Variants in IL2RA observed in about 807,000 individuals in gnomAD.
The protein encoded by IL2RA is interleukin 2 receptor subunit alpha, also known as interleukin-2 receptor subunit alpha.
In IL2RA, 24 loss-of-function variants were observed where a neutral mutation model predicts 37.8. That is an observed-to-expected ratio of 0.63 (90% CI 0.46 to 0.89). The LOEUF (loss-of-function observed/expected upper bound fraction) is 0.89. Ranked by LOEUF, IL2RA falls within the 40% of genes least tolerant of loss-of-function variation. The pLI is 0.00. For synonymous variants in IL2RA, 125 were observed against 114.6 expected (o/e 1.09, Z -0.58); for missense variants, 319 against 348.6 (o/e 0.92, Z 0.68).
intron 1 of IL2RA, among the ~76,000 whole-genome samples, chr10:6,045,977 G>A (rs1361257008): frequency 6.6e-6 from 1 of 152,188 alleles, no homozygotes; most frequent in African/African-American, 2.4e-5. Context: ...GTTGGTGTCA[G>A]GTGAGGGCCG....
chr10:6,014,230 G>C lies in IL2RA; in HGVS notation c.795-1334C>G, dbSNP rs1409868112. On this transcript the variant is annotated intron_variant, in intron 7 of 7. Transcript: ENST00000379959. The surrounding 1 kb of genome is among the most constrained non-coding windows in gnomAD (Gnocchi z 4.4). ...CTGTGAGCCTTCTGTAGCACATCAC[G>C]GGCTCCTGGTCATTGCCCGAAACAA... Among the ~76,000 whole-genome samples, 2 of 152,092 alleles carry C rather than the reference G, an allele frequency of 1.3e-5. No individual in the cohort carries two copies. The highest frequency in any genetic ancestry group is 2.9e-5 in the Non-Finnish European group (2 of 68,002).
Position 6,021,487 on chromosome 10 carries a change from G to T in IL2RA, c.574C>A (p.Gln192Lys). 1 of 1,613,650 alleles carries T rather than the reference G, an allele frequency of 6.2e-7. No individual in the cohort carries two copies. The highest frequency in any genetic ancestry group is 8.5e-7 in the Non-Finnish European group (1 of 1,179,848). ...AAGGGAGCCACCCTACCTGGAAACT[G>T]ACTGGTCTCCATTTCACCTGTGCAT... ...LICTGEMETSQFPGEEKPQAS... is the reference protein window; with the variant it reads ...LICTGEMETSKFPGEEKPQAS... The change falls in exon 4 of 8, where the codon CAG becomes AAG. Residue 192 changes from glutamine (Q) to lysine (K), a missense_variant. Transcript: ENST00000379959. This position sits in a 1 kb window ranked among gnomAD's most constrained non-coding sequence, Gnocchi z 4.9.
intron 1 of IL2RA, among the ~76,000 whole-genome samples, chr10:6,026,250 A>G (rs1839481555): frequency 6.6e-6 from 1 of 152,240 alleles, no homozygotes; most frequent in Non-Finnish European, 1.5e-5. Flanking sequence ...TCCAAAGCAC[A>G]ATGTATTTCA....
chr10:6,060,686 G>A (rs1840109693), intron 1 of IL2RA, among the ~76,000 whole-genome samples: 1 of 152,140 alleles, frequency 6.6e-6, no homozygotes, highest in African/African-American at 2.4e-5. Context: ...GAGCCCATGA[G>A]GTGGAGGTTG....
At chr10:6,024,171 G>T in intron 3 of IL2RA, 73 bp downstream of exon 3, 2 of 972,972 alleles carry the variant, frequency 2.1e-6, no homozygotes, top group Non-Finnish European at 3.3e-6. Context: ...TTCTTCCTTT[G>T]GGTACACATC....
intron 1 of IL2RA, among the ~76,000 whole-genome samples, chr10:6,037,193 T>C (rs917883365): frequency 1.3e-5 from 2 of 152,168 alleles, no homozygotes; most frequent in African/African-American, 4.8e-5. Context: ...GGAAACGTCA[T>C]TGACTGGAGG....
chr10:6,044,201 G>A lies in IL2RA; in HGVS notation c.64+17887C>T, dbSNP rs755835513. Among the ~76,000 whole-genome samples, 1 of 152,250 alleles carries A rather than the reference G, an allele frequency of 6.6e-6. No individual in the cohort carries two copies. The highest frequency in any genetic ancestry group is 1.5e-5 in the Non-Finnish European group (1 of 68,048). ...TGATGCAGGACAAGCGAGCCCCGAG[G>A]TGGGGCTTAGCCCGCAAGGGTTCTT... On this transcript the variant is annotated intron_variant, in intron 1 of 7. Coordinates refer to ENST00000379959, the MANE Select transcript of IL2RA (RefSeq NM_000417.3). This position sits in a 1 kb window ranked among gnomAD's most constrained non-coding sequence, Gnocchi z 4.5.
intron 1 of IL2RA, among the ~76,000 whole-genome samples, chr10:6,037,729 C>T (rs1304343844): frequency 1.3e-5 from 2 of 152,168 alleles, no homozygotes; most frequent in African/African-American, 2.4e-5. Context: ...GTGGCCCCTT[C>T]TCATTTCAAA....
At chr10:6,042,148 C>CAAAAAAAAATAAAAAAAAAAAAAAAAAA (rs1839782027) in intron 1 of IL2RA, among the ~76,000 whole-genome samples, 1 of 54,132 alleles carries the variant, frequency 1.8e-5, no homozygotes, top group Non-Finnish European at 3.1e-5. Flanking sequence ...ATGTATTAAG[C>CAAAAAAAAATAAAAAAAAAAAAAAAAAA]AAAAAAAAAA....
At position 6,052,391 on chromosome 10, in the gene IL2RA, A is replaced by T. The variant is rs1323658; in HGVS notation, c.64+9697T>A. On this transcript the variant is annotated intron_variant, in intron 1 of 7. Coordinates refer to ENST00000379959, the MANE Select transcript of IL2RA (RefSeq NM_000417.3). The stretch of plus-strand genomic sequence containing the variant: ...GTCATAATTGTCTGTGCAGAGGTCA[A>T]GGATGGGCTCTTATTCATCTCTGTG... Among the ~76,000 whole-genome samples the T allele has an allele frequency of 2.3e-3, 353 of 152,180 alleles. 4 individuals carry two copies. Among genetic ancestry groups the T allele is most frequent in the African/African-American group, 7.5e-3 (313 of 41,494 alleles).
intron 1 of IL2RA, among the ~76,000 whole-genome samples, chr10:6,059,840 C>T (rs754142417): frequency 6.6e-6 from 1 of 152,202 alleles, no homozygotes; most frequent in Non-Finnish European, 1.5e-5. Flanking sequence ...TAGATCTTAC[C>T]ACACTCTGAC....
chr10:6,045,122 G>A (rs75759207), intron 1 of IL2RA, among the ~76,000 whole-genome samples: 113 of 152,264 alleles, frequency 7.4e-4, no homozygotes, highest in African/African-American at 2.6e-3. Flanking sequence ...GGAGATCTCC[G>A]AGCACTTGGA....
chr10:6,012,613 G>C lies in IL2RA; in HGVS notation c.*259C>G, dbSNP rs931239603. On this transcript the variant is annotated 3_prime_UTR_variant, in exon 8 of 8. Transcript: ENST00000379959. The surrounding 1 kb of genome is among the most constrained non-coding windows in gnomAD (Gnocchi z 4.8). ...GAAAATAAGATGGAGAGTTCTAGTG[G>C]TTTTGCCCTTCCTCTTCAACGGCGA... The C allele has an allele frequency of 3.4e-6, 2 of 586,542 alleles. No individual in the cohort carries two copies. Among genetic ancestry groups the C allele is most frequent in the African/African-American group, 3.7e-5 (2 of 53,474 alleles). 36.3% of individuals were successfully genotyped at this position (586,542 alleles called of 1,614,324 possible). A position where few individuals can be genotyped will look rare whatever the true frequency, so the allele number is the denominator to read the frequency against.
In IL2RA at chr10:6,048,430, G is replaced by A. The variant is rs1564551428; in HGVS notation, c.64+13658C>T. ...TCTGGATGTGTAGACTGAGCAGCCT[G>A]TGAGGCATCCACACGGAAAGGTCCG... On this transcript the variant is annotated intron_variant, in intron 1 of 7. Transcript: ENST00000379959. The surrounding 1 kb of genome is among the most constrained non-coding windows in gnomAD (Gnocchi z 5.3). 6.6e-6 allele frequency among the ~76,000 whole-genome samples: 1 copy of A among 152,222 alleles called. No individual in the cohort carries two copies. The highest frequency in any genetic ancestry group is 2.4e-5 in the African/African-American group (1 of 41,458).
rs555209516 is a variant in IL2RA at position 6,050,753 on chromosome 10, T to C, written c.64+11335A>G. ...AGCAGAGCACGCAGCAAGGCCTCCC[T>C]GGCCCGGGAGTGCTCAGAGCTGGGA... On this transcript the variant is annotated intron_variant, in intron 1 of 7. Transcript: ENST00000379959. Among the ~76,000 whole-genome samples the C allele has an allele frequency of 5.9e-5, 9 of 152,328 alleles. No homozygotes were observed. The East Asian group carries it at 1.7e-3, about 29-fold the overall frequency.
Position 6,015,563 on chromosome 10 carries a change from C to T in IL2RA, c.794+2490G>A, listed in dbSNP as rs1346827210. On this transcript the variant is annotated intron_variant, in intron 7 of 7. Transcript: ENST00000379959. This position sits in a 1 kb window ranked among gnomAD's most constrained non-coding sequence, Gnocchi z 4.9. ...CCCAGCAATCTGTGCTTTAACAAGG[C>T]CTCCAGATGATTCTTTCAACAAATG... 6.6e-6 allele frequency among the ~76,000 whole-genome samples: 1 copy of T among 152,136 alleles called. No homozygotes were observed. Among genetic ancestry groups the T allele is most frequent in the Non-Finnish European group, 1.5e-5 (1 of 68,022 alleles).
intron 1 of IL2RA, among the ~76,000 whole-genome samples, chr10:6,032,696 A>G (rs1193434955): frequency 6.6e-6 from 1 of 151,332 alleles, no homozygotes; most frequent in Non-Finnish European, 1.5e-5. Flanking sequence ...CCATCTCAAA[A>G]AAAAAAAAAA....
intron 1 of IL2RA, among the ~76,000 whole-genome samples, chr10:6,037,135 C>T (rs1333850001): frequency 3.3e-5 from 5 of 152,262 alleles, no homozygotes; most frequent in African/African-American, 1.2e-4. Context: ...GCATCCACAG[C>T]GGTTTGTGCC....
intron 1 of IL2RA, among the ~76,000 whole-genome samples, chr10:6,043,600 G>A (rs1456635375): frequency 6.6e-6 from 1 of 152,066 alleles, no homozygotes; most frequent in East Asian, 1.9e-4. Context: ...ATCACATCAG[G>A]CTAATTTTTG....
Sources: allele counts gnomAD v4.1 joint callset (sites outside exome capture counted in the v4.1 genomes callset), GRCh38; gene constraint gnomAD v4.1.1; non-coding constraint Gnocchi (gnomAD v3.1); transcripts MANE v1.5; gene names NCBI Gene and HGNC (gene_info 2026-07-23, HGNC 2026-07-21).